The following CAST variants were observed in gnomAD, a reference collection of about 807,000 sequenced individuals.
CAST encodes the protein MIR583 host.
In CAST, 76 loss-of-function variants were observed where a neutral mutation model predicts 119.6. The observed-to-expected ratio is 0.64, with a 90% confidence interval of 0.53 to 0.77. CAST has a LOEUF of 0.77. Among genes scored for constraint, CAST ranks in the 30% least tolerant of loss-of-function variants. CAST has a pLI of 0.00. For synonymous variants in CAST, 319 were observed against 331.6 expected, an observed-to-expected ratio of 0.96 and a Z score of 0.41; for missense variants, 953 against 946.5, an observed-to-expected ratio of 1.01 and a Z score of -0.09.
chr5:96,547,711 C>T (rs1040281220), intron 1 of CAST, among the ~76,000 whole-genome samples: 16 of 152,178 alleles, frequency 1.1e-4, no homozygotes, highest in Non-Finnish European at 2.1e-4. Context: ...TTGCGATAGT[C>T]CACAGTCATT....
At chr5:96,065,728 T>C in the CAST span, among the ~76,000 whole-genome samples, 8 of 152,278 alleles carry the variant, frequency 5.3e-5, no homozygotes, top group South Asian at 1.7e-3. Flanking sequence ...GTTTAGCCCC[T>C]CAGCCTGTTG....
the CAST span, among the ~76,000 whole-genome samples, chr5:96,142,315 G>T: frequency 6.6e-6 from 1 of 152,110 alleles, no homozygotes; most frequent in African/African-American, 2.4e-5. Flanking sequence ...GGGAGGCTGA[G>T]AGGCAAGAGC....
chr5:96,354,273 A>G, the CAST span, among the ~76,000 whole-genome samples: 1 of 152,218 alleles, frequency 6.6e-6, no homozygotes, highest in East Asian at 1.9e-4. Context: ...CTTTTAAAAC[A>G]TAATTTAGAA....
chr5:96,676,606 AT>A (rs1396769488), intron 2 of CAST, among the ~76,000 whole-genome samples: 1 of 152,188 alleles, frequency 6.6e-6, no homozygotes, highest in East Asian at 1.9e-4. Flanking sequence ...TTTTTAGTGA[AT>A]TTTTTATAGC....
chr5:96,069,475 T>C, the CAST span, among the ~76,000 whole-genome samples: 2 of 151,328 alleles, frequency 1.3e-5, no homozygotes, highest in African/African-American at 2.4e-5. Context: ...TCTATCCATC[T>C]ATCTTTTTTT....
intron 1 of CAST, among the ~76,000 whole-genome samples, chr5:96,617,168 C>T (rs973441793): frequency 2.6e-5 from 4 of 152,102 alleles, no homozygotes; most frequent in Non-Finnish European, 5.9e-5. Context: ...TGATTTTCAA[C>T]TATCTCTAAA....
chr5:96,399,966 C>A, the CAST span: 1 of 1,613,148 alleles, frequency 6.2e-7, no homozygotes, highest in South Asian at 1.1e-5. Context: ...GGCTCAAAGT[C>A]ATTGTCCTTT....
chr5:96,718,345 A>T (rs1175820618), intron 3 of CAST, among the ~76,000 whole-genome samples: 1 of 152,154 alleles, frequency 6.6e-6, no homozygotes, highest in Admixed American at 6.5e-5. Context: ...CAACATTCAG[A>T]GGGAGCAATA....
the CAST span, among the ~76,000 whole-genome samples, chr5:96,468,874 G>A: frequency 6.6e-6 from 1 of 152,076 alleles, no homozygotes; most frequent in East Asian, 1.9e-4. Context: ...TCCACAGCTA[G>A]TTGGGGAAAA....
chr5:96,132,073 G>A, the CAST span, among the ~76,000 whole-genome samples: 1 of 152,044 alleles, frequency 6.6e-6, no homozygotes, highest in Admixed American at 6.6e-5. Context: ...GCCACACAAA[G>A]GAAACATAGT....
At chr5:96,507,358 C>A in the CAST span, among the ~76,000 whole-genome samples, 1 of 152,174 alleles carries the variant, frequency 6.6e-6, no homozygotes, top group African/African-American at 2.4e-5. Context: ...CACTTTGTAA[C>A]CATTTTTTCT....
intron 21 of CAST, 105 bp downstream of exon 21, chr5:96,754,266 A>G: frequency 1.3e-6 from 1 of 767,802 alleles, no homozygotes; most frequent in South Asian, 1.5e-5. Flanking sequence ...CCTGTAAAAC[A>G]TGACCAGCTG....
chr5:96,444,120 C>G, the CAST span, among the ~76,000 whole-genome samples: 1 of 152,130 alleles, frequency 6.6e-6, no homozygotes, highest in Non-Finnish European at 1.5e-5. Flanking sequence ...ATTGAGAGTC[C>G]ACCCCACCTT....
At chr5:96,663,040 C>G in intron 1 of CAST, 1 of 698,288 alleles carries the variant, frequency 1.4e-6, no homozygotes, top group Non-Finnish European at 2.6e-6. Flanking sequence ...CAGCCCGGTC[C>G]CGGCCAAGCG....
At chr5:95,975,083 G>T in the CAST span, among the ~76,000 whole-genome samples, 1,259 of 152,252 alleles carry the variant, frequency 8.3e-3, 14 homozygotes, top group African/African-American at 0.029. Context: ...CCTATTACCA[G>T]CAGCCTTCAC....
chr5:96,676,977 C>A (rs570422426), intron 2 of CAST, among the ~76,000 whole-genome samples: 1 of 151,170 alleles, frequency 6.6e-6, no homozygotes, highest in Admixed American at 6.6e-5. Context: ...TCGCGTGAAC[C>A]TGGGAGGCAG....
the CAST span, among the ~76,000 whole-genome samples, chr5:96,297,340 G>A: frequency 6.6e-6 from 1 of 152,186 alleles, no homozygotes; most frequent in African/African-American, 2.4e-5. Context: ...AGAGAAGGAA[G>A]CAACCTAATA....
chr5:96,314,333 C>A, the CAST span, among the ~76,000 whole-genome samples: 9 of 152,092 alleles, frequency 5.9e-5, no homozygotes, highest in Non-Finnish European at 1.3e-4. Context: ...TTTCCTGTTG[C>A]CTTTATTTTG....
chr5:96,593,905 C>T (rs549182661), intron 1 of CAST, among the ~76,000 whole-genome samples: 4 of 152,348 alleles, frequency 2.6e-5, no homozygotes, highest in Admixed American at 1.3e-4. Context: ...TTAAGCCACA[C>T]TGTCTATGGC....
Sources: gnomAD v4.1 joint callset for allele counts (sites outside exome capture counted in the v4.1 genomes callset) on GRCh38, gnomAD v4.1.1 for gene constraint, MANE v1.5 for transcripts, NCBI Gene and HGNC (gene_info 2026-07-23, HGNC 2026-07-21) for gene names.